PRKD1: variants seen among roughly 807,000 people sequenced by gnomAD.
The protein encoded by PRKD1 is protein kinase D1, also known as serine/threonine-protein kinase D1.
PRKD1 carries 63 observed loss-of-function variants against 95.9 expected under a neutral mutation model. That is an observed-to-expected ratio of 0.66 (90% CI 0.54 to 0.81). The LOEUF is 0.81. PRKD1 is among the 30% of genes least tolerant of loss of function. The probability of loss-of-function intolerance (pLI) is 0.00; values close to 1 mark genes in which losing one functional copy is unlikely to be tolerated. For missense variants in PRKD1, 1,048 were observed against 1,165.3 expected, an observed-to-expected ratio of 0.90 and a Z score of 1.47; for synonymous variants, 425 against 423.1, an observed-to-expected ratio of 1.00 and a Z score of -0.05.
intron 13 of PRKD1, among the ~76,000 whole-genome samples, chr14:29,623,556 C>T (rs1426935342): frequency 6.6e-6 from 1 of 152,112 alleles, no homozygotes; most frequent in African/African-American, 2.4e-5. Context: ...GCTCTATTTC[C>T]CTTTGGTCTG....
intron 1 of PRKD1, among the ~76,000 whole-genome samples, chr14:29,853,431 T>C (rs1330504888): frequency 6.6e-6 from 1 of 152,172 alleles, no homozygotes; most frequent in Non-Finnish European, 1.5e-5. Flanking sequence ...TATCAAAGCT[T>C]ACATTTCTAG....
intron 1 of PRKD1, among the ~76,000 whole-genome samples, chr14:29,800,674 C>T (rs1159654513): frequency 6.6e-6 from 1 of 151,970 alleles, no homozygotes; most frequent in Admixed American, 6.6e-5. Flanking sequence ...GATGTCAAAT[C>T]ACAGGAAAAA....
At chr14:29,785,704 G>A (rs902085222) in intron 1 of PRKD1, among the ~76,000 whole-genome samples, 3 of 151,862 alleles carry the variant, frequency 2.0e-5, no homozygotes, top group Admixed American at 6.6e-5. Flanking sequence ...GATAGCTTTA[G>A]GAGATATACC....
At chr14:29,911,963 T>A (rs189944880) in intron 1 of PRKD1, among the ~76,000 whole-genome samples, 5 of 152,338 alleles carry the variant, frequency 3.3e-5, no homozygotes, top group African/African-American at 1.2e-4. Context: ...TACCTCCTCC[T>A]GCTTTCCTCT....
intron 1 of PRKD1, among the ~76,000 whole-genome samples, chr14:29,852,882 T>A (rs1202689958): frequency 6.6e-6 from 1 of 152,150 alleles, no homozygotes; most frequent in Non-Finnish European, 1.5e-5. Flanking sequence ...AAATCCCTCC[T>A]TATCAGTAAT....
In PRKD1 at chr14:29,708,928, C is replaced by A. The variant is rs565388395; in HGVS notation, c.403+16608G>T. 1.5e-3 allele frequency among the ~76,000 whole-genome samples: 225 copies of A among 152,146 alleles called. 1 individual carries two copies. The highest frequency in any genetic ancestry group is 4.8e-3 in the African/African-American group (201 of 41,488). On this transcript the variant is annotated intron_variant, in intron 2 of 17. Coordinates refer to ENST00000331968, the MANE Select transcript of PRKD1 (RefSeq NM_002742.3). ...AAAGCTACAACCACTCCCAAGATAG[C>A]AAAATTTTTTATATTTATTATAAGA...
intron 1 of PRKD1, among the ~76,000 whole-genome samples, chr14:29,905,919 C>A (rs1020201246): frequency 6.6e-6 from 1 of 152,056 alleles, no homozygotes; most frequent in Non-Finnish European, 1.5e-5. Flanking sequence ...TCATGAGTAT[C>A]CCTGAGACAT....
chr14:29,913,854 AAC>A (rs1338408795), intron 1 of PRKD1, among the ~76,000 whole-genome samples: 1 of 152,222 alleles, frequency 6.6e-6, no homozygotes, highest in East Asian at 1.9e-4. Flanking sequence ...GTACTTGACT[AAC>A]AGATATCTAG....
Position 29,647,096 on chromosome 14 carries a change from G to A in PRKD1, c.697-8192C>T, listed in dbSNP as rs560409438. Among the ~76,000 whole-genome samples, 226 of 152,134 alleles carry A rather than the reference G, an allele frequency of 1.5e-3. 2 individuals are homozygous for A. Among genetic ancestry groups the A allele is most frequent in the African/African-American group, 5.1e-3 (212 of 41,506 alleles). ...TACAGGGCAAGCAAAAAAAAAATATGTGCCCACTGCTTAGTGGTGACAGAT... is the reference window on the plus strand; with the variant it reads ...TACAGGGCAAGCAAAAAAAAAATATATGCCCACTGCTTAGTGGTGACAGAT... On this transcript the variant is annotated intron_variant, in intron 4 of 17. Transcript: ENST00000331968.
chr14:29,795,736 C>T (rs1164946392), intron 1 of PRKD1, among the ~76,000 whole-genome samples: 3 of 152,074 alleles, frequency 2.0e-5, no homozygotes, highest in Non-Finnish European at 4.4e-5. Flanking sequence ...ACTTAGAATG[C>T]AAAATGTTCT....
intron 1 of PRKD1, among the ~76,000 whole-genome samples, chr14:29,870,058 C>T (rs1594590715): frequency 1.3e-5 from 2 of 152,142 alleles, no homozygotes; most frequent in South Asian, 2.1e-4. Context: ...TTATTATTAC[C>T]GAGGTGGGGC....
intron 1 of PRKD1, among the ~76,000 whole-genome samples, chr14:29,854,637 T>C (rs1044327265): frequency 4.6e-5 from 7 of 152,156 alleles, no homozygotes; most frequent in Admixed American, 1.3e-4. Context: ...GTTGAATAAA[T>C]TTGCATAAGT....
chr14:29,782,881 T>A (rs1344294452), intron 1 of PRKD1, among the ~76,000 whole-genome samples: 1 of 152,250 alleles, frequency 6.6e-6, no homozygotes, highest in Admixed American at 6.5e-5. Context: ...ATGCAGAAAT[T>A]TTCAGTTTTT....
chr14:29,600,796 C>T (rs760346640), intron 13 of PRKD1, among the ~76,000 whole-genome samples: 5 of 152,204 alleles, frequency 3.3e-5, no homozygotes, highest in African/African-American at 1.2e-4. Flanking sequence ...AGTAAAATTA[C>T]GCTTAGCATT....
At chr14:29,776,032 C>T (rs968530805) in intron 1 of PRKD1, among the ~76,000 whole-genome samples, 3 of 152,134 alleles carry the variant, frequency 2.0e-5, no homozygotes, top group African/African-American at 7.2e-5. Context: ...CCCAGGCAAA[C>T]GGGGTCTGGA....
chr14:29,708,174 A>C (rs1304797710), intron 2 of PRKD1, among the ~76,000 whole-genome samples: 4 of 152,126 alleles, frequency 2.6e-5, no homozygotes, highest in Admixed American at 2.6e-4. Flanking sequence ...CAATTTAACA[A>C]GATGTCCAAA....
chr14:29,616,095 C>T (rs904334910), intron 13 of PRKD1, among the ~76,000 whole-genome samples: 8 of 151,374 alleles, frequency 5.3e-5, no homozygotes, highest in African/African-American at 1.5e-4. Context: ...TTCAAATGTG[C>T]GTAAATCCTT....
chr14:29,926,957 G>A lies in PRKD1; in HGVS notation c.264+292C>T, dbSNP rs1431948799. Among the ~76,000 whole-genome samples the A allele has an allele frequency of 2.0e-5, 3 of 152,042 alleles. No homozygotes were observed. In the South Asian group the frequency reaches 6.2e-4, roughly 32 times the overall value. On this transcript the variant is annotated intron_variant, in intron 1 of 17. Transcript: ENST00000331968. ...CAAGGAGGGGCGCGGCGAGGAAAGG[G>A]CAAGATACCTGGAAATGTCATGAGA... is the stretch of plus-strand genomic sequence containing the variant.
chr14:29,760,553 C>T (rs1454535620), intron 1 of PRKD1, among the ~76,000 whole-genome samples: 1 of 151,982 alleles, frequency 6.6e-6, no homozygotes, highest in African/African-American at 2.4e-5. Context: ...TGAGGTTTCA[C>T]CATGTTGGCC....
Sources: gnomAD v4.1 joint callset for allele counts (sites outside exome capture counted in the v4.1 genomes callset) on GRCh38, gnomAD v4.1.1 for gene constraint, MANE v1.5 for transcripts, NCBI Gene and HGNC (gene_info 2026-07-23, HGNC 2026-07-21) for gene names.